Variants in CDH12 observed in about 807,000 individuals in gnomAD.
CDH12 encodes the protein cadherin-12.
Under a neutral mutation model 74.1 loss-of-function variants are expected in CDH12, and 41 were observed. That is an observed-to-expected ratio of 0.55 (90% CI 0.43 to 0.72). The LOEUF (loss-of-function observed/expected upper bound fraction) is 0.72, where lower values mean the gene tolerates loss of function less well. CDH12 is among the 30% of genes least tolerant of loss of function. CDH12 has a pLI of 0.00. For missense variants in CDH12, 945 were observed against 977.2 expected, an observed-to-expected ratio of 0.97 and a Z score of 0.44; for synonymous variants, 399 against 355.0, an observed-to-expected ratio of 1.12 and a Z score of -1.39.
intron 9 of CDH12, among the ~76,000 whole-genome samples, chr5:21,811,239 C>G (rs1352935967): frequency 6.6e-6 from 1 of 152,104 alleles, no homozygotes; most frequent in African/African-American, 2.4e-5. Context: ...AACTTCACCA[C>G]TCTTCATTTT....
At chr5:22,470,412 T>TTTTA (rs1271392354) in intron 2 of CDH12, among the ~76,000 whole-genome samples, 4 of 137,770 alleles carry the variant, frequency 2.9e-5, no homozygotes, top group Non-Finnish European at 6.2e-5. Flanking sequence ...TTTTATTTTA[T>TTTTA]TTTATTTATT....
chr5:21,894,944 T>A (rs1295766531), intron 6 of CDH12, among the ~76,000 whole-genome samples: 1 of 151,626 alleles, frequency 6.6e-6, no homozygotes, highest in Non-Finnish European at 1.5e-5. Flanking sequence ...TCAATTAAAA[T>A]GTGAAGGGAA....
intron 2 of CDH12, among the ~76,000 whole-genome samples, chr5:22,435,498 ATGTG>A (rs56122496): frequency 9.8e-5 from 13 of 133,252 alleles, no homozygotes; most frequent in East Asian, 8.9e-4. Flanking sequence ...GTGTATATAT[ATGTG>A]TGTGTGTGTG....
At chr5:22,142,077 T>C (rs2150299001) in intron 4 of CDH12, among the ~76,000 whole-genome samples, 1 of 152,196 alleles carries the variant, frequency 6.6e-6, no homozygotes, top group South Asian at 2.1e-4. Flanking sequence ...ACAGGGAACA[T>C]TGGAGAAGCA....
chr5:22,814,619 A>C (rs1015080394), intron 1 of CDH12, among the ~76,000 whole-genome samples: 8 of 152,212 alleles, frequency 5.3e-5, no homozygotes, highest in Admixed American at 5.2e-4. Flanking sequence ...CAATCTGAAA[A>C]AAAGCTCTGA....
At chr5:22,791,799 T>C (rs1747920040) in intron 1 of CDH12, among the ~76,000 whole-genome samples, 1 of 152,078 alleles carries the variant, frequency 6.6e-6, no homozygotes. Flanking sequence ...TCAAATCTCA[T>C]GAGAACTTAC....
chr5:22,584,415 T>A (rs72637707), intron 1 of CDH12, among the ~76,000 whole-genome samples: 9,082 of 152,292 alleles, frequency 0.06, 399 homozygotes, highest in East Asian at 0.22. Context: ...TTATTTTTTT[T>A]AATTCTGTGT....
chr5:22,687,103 G>C (rs2126937364), intron 1 of CDH12, among the ~76,000 whole-genome samples: 1 of 152,178 alleles, frequency 6.6e-6, no homozygotes, highest in East Asian at 2.0e-4. Flanking sequence ...AGACCACTCT[G>C]ACCAATATGG....
At chr5:22,064,017 AC>A (rs1427295131) in intron 5 of CDH12, among the ~76,000 whole-genome samples, 17 of 149,744 alleles carry the variant, frequency 1.1e-4, no homozygotes, top group Non-Finnish European at 2.1e-4. Context: ...ACACACACAC[AC>A]ACAAACACAC....
chr5:22,515,584 C>T (rs887397005), intron 1 of CDH12, among the ~76,000 whole-genome samples: 7 of 151,890 alleles, frequency 4.6e-5, no homozygotes, highest in African/African-American at 1.7e-4. Flanking sequence ...GAAGGGAGAG[C>T]CTTGAAACAC....
At chr5:22,794,447 A>G (rs751130878) in intron 1 of CDH12, among the ~76,000 whole-genome samples, 1 of 152,214 alleles carries the variant, frequency 6.6e-6, no homozygotes, top group Non-Finnish European at 1.5e-5. Context: ...TCTGACTACA[A>G]CTTAACTGGA....
chr5:22,596,691 A>C lies in CDH12; in HGVS notation c.-522-91327T>G, dbSNP rs974507831. ...AATATTTTAACACATGATCTTAGCAAACCTGGGATTCAGTGTTAACAGTGT... is the reference window on the plus strand; with the variant it reads ...AATATTTTAACACATGATCTTAGCACACCTGGGATTCAGTGTTAACAGTGT... On this transcript the variant is annotated intron_variant, in intron 1 of 14. Coordinates refer to ENST00000382254, the MANE Select transcript of CDH12 (RefSeq NM_004061.5). 2.0e-5 allele frequency among the ~76,000 whole-genome samples: 3 copies of C among 152,196 alleles called. No individual in the cohort carries two copies. In the South Asian group the frequency reaches 6.2e-4, roughly 32 times the overall value.
At chr5:22,666,610 A>T (rs1740638975) in intron 1 of CDH12, among the ~76,000 whole-genome samples, 1 of 151,928 alleles carries the variant, frequency 6.6e-6, no homozygotes, top group Admixed American at 6.6e-5. Flanking sequence ...TACCAGTCCC[A>T]TTCTTAGCTA....
chr5:22,055,937 CAT>C (rs1242688570), intron 5 of CDH12, among the ~76,000 whole-genome samples: 3 of 152,040 alleles, frequency 2.0e-5, no homozygotes, highest in African/African-American at 4.8e-5. Context: ...GATAAAAATA[CAT>C]AGTCATAAAT....
chr5:22,115,933 G>A lies in CDH12; in HGVS notation c.-186-37071C>T, dbSNP rs145986110. Among the ~76,000 whole-genome samples, 1,414 of 152,112 alleles carry A rather than the reference G, an allele frequency of 9.3e-3. 18 individuals are homozygous for A. The highest frequency in any genetic ancestry group is 0.032 in the African/African-American group (1,342 of 41,520). ...TCTCGATCTCTTGACCTTGTGATCCGCCTGGCTTGGCCTAGGAAAGTGCTG... is the reference window on the plus strand; with the variant it reads ...TCTCGATCTCTTGACCTTGTGATCCACCTGGCTTGGCCTAGGAAAGTGCTG... On this transcript the variant is annotated intron_variant, in intron 4 of 14. Coordinates refer to ENST00000382254, the MANE Select transcript of CDH12 (RefSeq NM_004061.5).
intron 3 of CDH12, among the ~76,000 whole-genome samples, chr5:22,359,347 T>C (rs1017783000): frequency 3.3e-5 from 5 of 152,086 alleles, no homozygotes; most frequent in African/African-American, 7.2e-5. Context: ...CATTACATAA[T>C]GGTAAAGGGA....
intron 3 of CDH12, among the ~76,000 whole-genome samples, chr5:22,335,266 G>A (rs1739524530): frequency 6.6e-6 from 1 of 152,160 alleles, no homozygotes; most frequent in Admixed American, 6.5e-5. Flanking sequence ...GACCCCGTGG[G>A]AGATGATTGA....
intron 1 of CDH12, among the ~76,000 whole-genome samples, chr5:22,685,040 G>A (rs908633001): frequency 3.3e-5 from 5 of 151,980 alleles, no homozygotes; most frequent in Admixed American, 6.6e-5. Flanking sequence ...AGACCTCTAC[G>A]TACATTTTAT....
rs182633675 is a variant in CDH12, at chr5:22,003,627, A to G, written c.232-28242T>C. 3.5e-3 allele frequency among the ~76,000 whole-genome samples: 528 copies of G among 152,240 alleles called. 1 individual carries two copies. Among genetic ancestry groups the G allele is most frequent in the African/African-American group, 0.012 (512 of 41,562 alleles). On this transcript the variant is annotated intron_variant, in intron 5 of 14. Coordinates refer to ENST00000382254, the MANE Select transcript of CDH12 (RefSeq NM_004061.5). ...TAATTCTAGTGTTGCATTGACTGGA[A>G]TCAAAAAGTGAGTAATTCATTTGCA...
Sources: gnomAD v4.1 joint callset for allele counts (sites outside exome capture counted in the v4.1 genomes callset) on GRCh38, gnomAD v4.1.1 for gene constraint, MANE v1.5 for transcripts, NCBI Gene and HGNC (gene_info 2026-07-23, HGNC 2026-07-21) for gene names.